DRC11: variants seen among roughly 807,000 people sequenced by gnomAD.
The protein encoded by DRC11 is dynein regulatory complex subunit 11.
the DRC11 span, among the ~76,000 whole-genome samples, chr2:236,481,120 C>A: frequency 2.0e-5 from 3 of 152,194 alleles, no homozygotes; most frequent in African/African-American, 7.2e-5. Flanking sequence ...GCTGAACAGC[C>A]ATTCTGACTT....
At chr2:236,338,080 A>G in the DRC11 span, 2 of 852,644 alleles carry the variant, frequency 2.3e-6, no homozygotes, top group Non-Finnish European at 3.6e-6. Flanking sequence ...CACACACCCC[A>G]CCGGGTGCAG....
chr2:236,494,663 A>G, the DRC11 span, among the ~76,000 whole-genome samples: 1 of 151,768 alleles, frequency 6.6e-6, no homozygotes, highest in Non-Finnish European at 1.5e-5. This position sits in a 1 kb window ranked among gnomAD's most constrained non-coding sequence, Gnocchi z 4.2. Flanking sequence ...TTTTTTTCCA[A>G]TTCTAGGTGT....
At chr2:236,360,014 G>A in the DRC11 span, among the ~76,000 whole-genome samples, 8 of 152,190 alleles carry the variant, frequency 5.3e-5, no homozygotes, top group African/African-American at 1.2e-4. The surrounding 1 kb of genome is among the most constrained non-coding windows in gnomAD (Gnocchi z 5.8). Flanking sequence ...TCTAATAAAC[G>A]CAAAGATCGC....
At chr2:236,498,240 G>A in the DRC11 span, among the ~76,000 whole-genome samples, 1 of 151,714 alleles carries the variant, frequency 6.6e-6, no homozygotes, top group African/African-American at 2.4e-5. Flanking sequence ...GGTCGAGGCA[G>A]GTGGATCACG....
the DRC11 span, among the ~76,000 whole-genome samples, chr2:236,318,634 TTGTGTTTGTATGTGTGCA>T: frequency 2.3e-5 from 3 of 131,776 alleles, no homozygotes; most frequent in Admixed American, 7.1e-5. This position sits in a 1 kb window ranked among gnomAD's most constrained non-coding sequence, Gnocchi z 7.0. Context: ...CATATATCGT[TTGTGTTTGTATGTGTGCA>T]TGTGTTTGTG....
At chr2:236,380,552 A>G in the DRC11 span, 2 of 1,547,920 alleles carry the variant, frequency 1.3e-6, no homozygotes, top group East Asian at 2.4e-5. The surrounding 1 kb of genome is among the most constrained non-coding windows in gnomAD (Gnocchi z 4.9). Context: ...TCACAACACA[A>G]CGAGTCCATT....
the DRC11 span, among the ~76,000 whole-genome samples, chr2:236,475,195 T>C: frequency 2.0e-5 from 3 of 152,258 alleles, no homozygotes; most frequent in South Asian, 6.2e-4. The surrounding 1 kb of genome is among the most constrained non-coding windows in gnomAD (Gnocchi z 4.8). Flanking sequence ...AGATCCACTT[T>C]TTTAGCTCCC....
chr2:236,485,943 T>C, the DRC11 span, among the ~76,000 whole-genome samples: 2 of 152,220 alleles, frequency 1.3e-5, no homozygotes, highest in African/African-American at 4.8e-5. Flanking sequence ...CTCCTGGTCT[T>C]CTTCCCTCAT....
the DRC11 span, among the ~76,000 whole-genome samples, chr2:236,490,695 T>C: frequency 6.6e-6 from 1 of 152,056 alleles, no homozygotes; most frequent in Non-Finnish European, 1.5e-5. This position sits in a 1 kb window ranked among gnomAD's most constrained non-coding sequence, Gnocchi z 5.5. Context: ...ATGTCAAACA[T>C]TTTTAAGCAT....
At chr2:236,357,186 C>CATATATTTATATATTATATTCAT in the DRC11 span, among the ~76,000 whole-genome samples, 1 of 102,716 alleles carries the variant, frequency 9.7e-6, no homozygotes, top group Non-Finnish European at 1.8e-5. Flanking sequence ...TATATATATT[C>CATATATTTATATATTATATTCAT]ATATATATTA....
At chr2:236,324,893 A>T in the DRC11 span, 2 of 751,370 alleles carry the variant, frequency 2.7e-6, no homozygotes, top group African/African-American at 3.6e-5. This position sits in a 1 kb window ranked among gnomAD's most constrained non-coding sequence, Gnocchi z 5.7. Flanking sequence ...CAGCCATTGT[A>T]CTTTGGGCAT....
chr2:236,424,627 A>G, the DRC11 span, among the ~76,000 whole-genome samples: 2 of 150,772 alleles, frequency 1.3e-5, no homozygotes, highest in Non-Finnish European at 2.9e-5. Flanking sequence ...TAACATGTCC[A>G]TCACCTTACA....
chr2:236,353,643 T>A, the DRC11 span, among the ~76,000 whole-genome samples: 4 of 152,204 alleles, frequency 2.6e-5, no homozygotes, highest in African/African-American at 9.6e-5. The surrounding 1 kb of genome is among the most constrained non-coding windows in gnomAD (Gnocchi z 5.0). Flanking sequence ...CTGAAACTCA[T>A]TCATTCATTC....
At chr2:236,378,553 T>C in the DRC11 span, among the ~76,000 whole-genome samples, 2 of 151,280 alleles carry the variant, frequency 1.3e-5, no homozygotes, top group South Asian at 2.1e-4. Context: ...TGGGCAACTG[T>C]AATCCCAGCT....
At chr2:236,440,624 C>T in the DRC11 span, among the ~76,000 whole-genome samples, 1 of 152,220 alleles carries the variant, frequency 6.6e-6, no homozygotes, top group African/African-American at 2.4e-5. Context: ...CAGAAAGGCA[C>T]CCAGAACTCA....
the DRC11 span, among the ~76,000 whole-genome samples, chr2:236,439,405 A>T: frequency 2.0e-5 from 3 of 152,218 alleles, no homozygotes; most frequent in Non-Finnish European, 4.4e-5. Context: ...TTATGTCAAT[A>T]AAAACTTGTT....
chr2:236,355,755 G>C, the DRC11 span, among the ~76,000 whole-genome samples: 4 of 152,020 alleles, frequency 2.6e-5, no homozygotes, highest in African/African-American at 4.8e-5. Flanking sequence ...CTCTCTGTGT[G>C]TGTGTGTGTG....
At chr2:236,374,226 G>A in the DRC11 span, among the ~76,000 whole-genome samples, 14 of 152,196 alleles carry the variant, frequency 9.2e-5, no homozygotes, top group Non-Finnish European at 1.8e-4. Flanking sequence ...GGGGGTTTTG[G>A]TCTTGTTTTC....
chr2:236,461,298 T>C, the DRC11 span, among the ~76,000 whole-genome samples: 28,859 of 152,202 alleles, frequency 0.19, 3,018 homozygotes, highest in Middle Eastern at 0.27. The surrounding 1 kb of genome is among the most constrained non-coding windows in gnomAD (Gnocchi z 4.0). Context: ...GGGAAATTCA[T>C]GAACATTGAG....
Sources: gnomAD v4.1 joint callset for allele counts (sites outside exome capture counted in the v4.1 genomes callset) on GRCh38, gnomAD v4.1.1 for gene constraint, Gnocchi (gnomAD v3.1) non-coding constraint, MANE v1.5 for transcripts, NCBI Gene and HGNC (gene_info 2026-07-23, HGNC 2026-07-21) for gene names.